PDE11A: variants seen among roughly 807,000 people sequenced by gnomAD.
PDE11A encodes dual 3',5'-cyclic-AMP and -GMP phosphodiesterase 11A.
A neutral mutation model predicts 100.5 loss-of-function variants in PDE11A; 100 were observed. The observed-to-expected ratio is 1.00, with a 90% CI of 0.85 to 1.18. The LOEUF (loss-of-function observed/expected upper bound fraction) is 1.18, where lower values mean the gene tolerates loss of function less well. PDE11A is among the 50% of genes most tolerant of loss of function. The probability of loss-of-function intolerance (pLI) is 0.00; values close to 1 mark genes in which losing one functional copy is unlikely to be tolerated. For synonymous variants in PDE11A, 381 were observed against 420.8 expected (o/e 0.91, Z 1.16); for missense variants, 1,141 against 1,152.6 (o/e 0.99, Z 0.15).
chr2:177,804,642 ATT>A (rs2082842625), intron 9 of PDE11A, among the ~76,000 whole-genome samples: 1 of 151,998 alleles, frequency 6.6e-6, no homozygotes, highest in Non-Finnish European at 1.5e-5. Context: ...TCACAGCACT[ATT>A]CATAATATCA....
chr2:177,990,714 G>C (rs2085991938), intron 2 of PDE11A, among the ~76,000 whole-genome samples: 1 of 151,212 alleles, frequency 6.6e-6, no homozygotes, highest in African/African-American at 2.4e-5. Context: ...CTCCAGCCTG[G>C]GTGACAGAGC....
At chr2:177,924,302 G>A (rs2085096053) in intron 2 of PDE11A, among the ~76,000 whole-genome samples, 1 of 152,162 alleles carries the variant, frequency 6.6e-6, no homozygotes, top group Admixed American at 6.5e-5. Context: ...ATCAGAGCCT[G>A]ACCTAAGCTG....
At chr2:177,763,945 G>C (rs2082205404) in intron 10 of PDE11A, among the ~76,000 whole-genome samples, 1 of 152,218 alleles carries the variant, frequency 6.6e-6, no homozygotes, top group Non-Finnish European at 1.5e-5. Context: ...TGCTGTGCAA[G>C]GGGCCCTAGT....
At chr2:178,088,561 C>T (rs2087385817) in intron 2 of PDE11A, among the ~76,000 whole-genome samples, 1 of 152,170 alleles carries the variant, frequency 6.6e-6, no homozygotes, top group East Asian at 1.9e-4. Flanking sequence ...AAATAATTGC[C>T]AAGTTAACTA....
chr2:177,867,697 G>C (rs141698730), intron 5 of PDE11A, among the ~76,000 whole-genome samples: 2,862 of 152,292 alleles, frequency 0.019, 53 homozygotes, highest in South Asian at 0.046. Context: ...CTGCACTCCA[G>C]CCTGGGTGAC....
chr2:177,682,511 C>T (rs78758513), intron 15 of PDE11A, among the ~76,000 whole-genome samples: 104 of 152,192 alleles, frequency 6.8e-4, no homozygotes, highest in Non-Finnish European at 1.2e-3. Flanking sequence ...TGCGTAGATA[C>T]GGAAAAGACA....
chr2:177,931,304 CAT>C (rs1461241831), intron 2 of PDE11A, among the ~76,000 whole-genome samples: 1 of 152,134 alleles, frequency 6.6e-6, no homozygotes, highest in African/African-American at 2.4e-5. Context: ...TGCTTCAAAA[CAT>C]ATATACATTT....
intron 13 of PDE11A, among the ~76,000 whole-genome samples, chr2:177,705,072 C>T (rs1461560625): frequency 6.6e-6 from 1 of 152,124 alleles, no homozygotes; most frequent in Admixed American, 6.6e-5. Flanking sequence ...GAACTCCTGA[C>T]CTTGTGATCT....
At chr2:177,980,975 TACACACACACAC>T (rs3073403) in intron 2 of PDE11A, among the ~76,000 whole-genome samples, 4,025 of 129,736 alleles carry the variant, frequency 0.031, 230 homozygotes, top group African/African-American at 0.1. Flanking sequence ...GAGAACTAGA[TACACACACACAC>T]ACACACACAC....
At chr2:177,657,111 T>TGGAGGG (rs1449600683) in intron 19 of PDE11A, among the ~76,000 whole-genome samples, 1 of 152,222 alleles carries the variant, frequency 6.6e-6, no homozygotes, top group Non-Finnish European at 1.5e-5. Flanking sequence ...TAGACTGTAG[T>TGGAGGG]GGAGGGGCCT....
intron 6 of PDE11A, among the ~76,000 whole-genome samples, chr2:177,830,601 AAAT>A (rs56365605): frequency 0.1 from 14,463 of 139,782 alleles, 816 homozygotes; most frequent in Middle Eastern, 0.28. Flanking sequence ...ACTCCATCTC[AAAT>A]AATAATAATA....
chr2:177,697,277 A>G lies in PDE11A; in HGVS notation c.2345+55T>C, dbSNP rs1041257611. ...GGTAACCTCCAGTGTAGACCTGGAGATTAGTTACAGGATGGAACTTCCATT... is the reference window on the plus strand; with the variant it reads ...GGTAACCTCCAGTGTAGACCTGGAGGTTAGTTACAGGATGGAACTTCCATT... On this transcript the variant is annotated intron_variant, in intron 15 of 19. Transcript: ENST00000286063. 6.3e-5 allele frequency: 54 copies of G among 855,746 alleles called. No individual in the cohort carries two copies. The Admixed American group carries it at 7.6e-4, about 12-fold the overall frequency. 53.0% of individuals were successfully genotyped at this position (855,746 alleles called of 1,614,324 possible).
chr2:177,989,486 A>G (rs1316759124), intron 2 of PDE11A, among the ~76,000 whole-genome samples: 1 of 152,162 alleles, frequency 6.6e-6, no homozygotes, highest in East Asian at 1.9e-4. Context: ...CAGACTAGGG[A>G]CTGATGCCAT....
intron 4 of PDE11A, among the ~76,000 whole-genome samples, chr2:177,894,286 T>C (rs2084576260): frequency 6.6e-6 from 1 of 152,116 alleles, no homozygotes. Context: ...CATAAATAGA[T>C]ACCTTTACCC....
intron 2 of PDE11A, among the ~76,000 whole-genome samples, chr2:177,939,269 A>G (rs1207841583): frequency 2.6e-5 from 4 of 152,156 alleles, no homozygotes; most frequent in African/African-American, 9.6e-5. Context: ...TGGCAGAGGC[A>G]TACTACACTA....
upstream of PDE11A, among the ~76,000 whole-genome samples, chr2:178,077,440 C>A (rs2087222354): frequency 3.3e-5 from 5 of 152,154 alleles, no homozygotes; most frequent in South Asian, 1.0e-3. Flanking sequence ...CACATGAAAT[C>A]ACTCAATCCA....
chr2:177,691,415 A>G (rs1176600705), intron 15 of PDE11A, among the ~76,000 whole-genome samples: 1 of 152,166 alleles, frequency 6.6e-6, no homozygotes, highest in Non-Finnish European at 1.5e-5. Context: ...TGAATTGCTA[A>G]CACTTAGCAT....
intron 19 of PDE11A, among the ~76,000 whole-genome samples, chr2:177,639,746 G>T (rs760930439): frequency 6.6e-6 from 1 of 152,140 alleles, no homozygotes; most frequent in Admixed American, 6.6e-5. Flanking sequence ...GTGCTTATTA[G>T]TTGACCACAG....
intron 5 of PDE11A, among the ~76,000 whole-genome samples, chr2:177,874,605 A>C (rs189393175): frequency 2.5e-4 from 38 of 152,346 alleles, no homozygotes; most frequent in Admixed American, 2.4e-3. Flanking sequence ...AAAGATGCCA[A>C]TGAGAACAAG....
Sources: gnomAD v4.1 joint callset for allele counts (sites outside exome capture counted in the v4.1 genomes callset) on GRCh38, gnomAD v4.1.1 for gene constraint, MANE v1.5 for transcripts, NCBI Gene and HGNC (gene_info 2026-07-23, HGNC 2026-07-21) for gene names.